Variants in LRRC3B observed in about 807,000 individuals in gnomAD.
LRRC3B encodes the protein leucine-rich repeat-containing protein 3B.
LRRC3B carries 2 observed loss-of-function variants against 12.8 expected under a neutral mutation model. The observed-to-expected ratio is 0.16, with a 90% CI of 0.06 to 0.49. The LOEUF (loss-of-function observed/expected upper bound fraction) is 0.49. LRRC3B is among the 20% of genes least tolerant of loss of function. The probability of loss-of-function intolerance (pLI) is 0.96; values close to 1 mark genes in which losing one functional copy is unlikely to be tolerated. For missense variants in LRRC3B, 189 were observed against 319.4 expected (o/e 0.59, Z 3.11); for synonymous variants, 132 against 122.0 (o/e 1.08, Z -0.54).
At chr3:26,665,999 A>G (rs1030482123) in intron 1 of LRRC3B, among the ~76,000 whole-genome samples, 1 of 152,232 alleles carries the variant, frequency 6.6e-6, no homozygotes, top group Non-Finnish European at 1.5e-5. Context: ...TCCTTTGACT[A>G]TATCCCATCT....
At chr3:26,685,885 T>C (rs1052567335) in intron 1 of LRRC3B, among the ~76,000 whole-genome samples, 8 of 152,022 alleles carry the variant, frequency 5.3e-5, no homozygotes. Context: ...CTTAGTCCAG[T>C]CTCTCAGTTA....
chr3:26,629,322 G>T (rs189342627), intron 1 of LRRC3B, among the ~76,000 whole-genome samples: 101 of 152,050 alleles, frequency 6.6e-4, no homozygotes, highest in East Asian at 6.4e-3. Context: ...GTAACTTACT[G>T]GGAGAGACTG....
chr3:26,629,682 A>T (rs1398806693), intron 1 of LRRC3B, among the ~76,000 whole-genome samples: 1 of 152,164 alleles, frequency 6.6e-6, no homozygotes, highest in Admixed American at 6.5e-5. Flanking sequence ...TAGGGTTTCA[A>T]AGTTTTTATT....
intron 1 of LRRC3B, among the ~76,000 whole-genome samples, chr3:26,652,338 C>A (rs1431144369): frequency 6.6e-6 from 1 of 152,224 alleles, no homozygotes; most frequent in Non-Finnish European, 1.5e-5. Context: ...CTCCCGTTCT[C>A]ACAGTCTCTG....
At chr3:26,700,930 A>T (rs909128657) in intron 1 of LRRC3B, among the ~76,000 whole-genome samples, 1 of 152,152 alleles carries the variant, frequency 6.6e-6, no homozygotes, top group African/African-American at 2.4e-5. Flanking sequence ...TGGTGAGGTG[A>T]TACATGTGTA....
At chr3:26,673,090 A>G (rs1240248890) in intron 1 of LRRC3B, among the ~76,000 whole-genome samples, 1 of 151,588 alleles carries the variant, frequency 6.6e-6, no homozygotes. Flanking sequence ...AAATCTTAGA[A>G]GTTACTCTTA....
intron 1 of LRRC3B, among the ~76,000 whole-genome samples, chr3:26,629,638 T>C (rs1698710461): frequency 6.6e-6 from 1 of 152,234 alleles, no homozygotes; most frequent in Admixed American, 6.5e-5. Context: ...TTAAGTGGAA[T>C]ACTTTTCACC....
chr3:26,693,202 G>C (rs1700229100), intron 1 of LRRC3B, among the ~76,000 whole-genome samples: 1 of 149,760 alleles, frequency 6.7e-6, no homozygotes, highest in East Asian at 1.9e-4. Context: ...GGTGGCGCGT[G>C]CCTGTAGTCC....
intron 1 of LRRC3B, among the ~76,000 whole-genome samples, chr3:26,677,787 CT>C (rs869232278): frequency 8.6e-6 from 1 of 115,644 alleles, no homozygotes; most frequent in Admixed American, 8.4e-5. Flanking sequence ...TCTGTTTTGC[CT>C]TTTGTTTGTT....
intron 1 of LRRC3B, among the ~76,000 whole-genome samples, chr3:26,702,160 G>A (rs1432207643): frequency 2.0e-5 from 3 of 152,130 alleles, no homozygotes; most frequent in Non-Finnish European, 4.4e-5. Flanking sequence ...CAGTAGAGAA[G>A]GTAAAGTGAT....
intron 1 of LRRC3B, among the ~76,000 whole-genome samples, chr3:26,706,168 C>T (rs937105384): frequency 6.6e-6 from 1 of 152,128 alleles, no homozygotes; most frequent in African/African-American, 2.4e-5. Context: ...TCTGGGGCCT[C>T]TTTTATAAGG....
At chr3:26,659,087 AAT>A (rs1699438107) in intron 1 of LRRC3B, among the ~76,000 whole-genome samples, 1 of 152,196 alleles carries the variant, frequency 6.6e-6, no homozygotes, top group African/African-American at 2.4e-5. Context: ...GGTGGAAGTA[AAT>A]ATGTATGTGT....
At position 26,669,526 on chromosome 3, in the gene LRRC3B, CATG is replaced by C. The variant is rs563958091; in HGVS notation, c.-160-39984_-160-39982del. 6.4e-4 allele frequency among the ~76,000 whole-genome samples: 97 copies of C among 152,210 alleles called. 1 individual carries two copies. The highest frequency in any genetic ancestry group is 2.3e-3 in the African/African-American group (95 of 41,532). ...GAGATGAATATTACCTTTTTAACCC[CATG>C]ATAACCCCAAGAATCATGTAGCTGA... On this transcript the variant is annotated intron_variant, in intron 1 of 1. Coordinates refer to ENST00000396641, the Ensembl canonical transcript of LRRC3B.
At chr3:26,673,668 C>T (rs1699798871) in intron 1 of LRRC3B, among the ~76,000 whole-genome samples, 1 of 152,162 alleles carries the variant, frequency 6.6e-6, no homozygotes, top group Non-Finnish European at 1.5e-5. Context: ...TGGCTTAGGT[C>T]TCTAAGCTGC....
chr3:26,650,939 G>A (rs909202594), intron 1 of LRRC3B, among the ~76,000 whole-genome samples: 42 of 152,156 alleles, frequency 2.8e-4, no homozygotes, highest in African/African-American at 9.7e-4. Context: ...GATGTGAAAC[G>A]TGGAGAGCAC....
intron 1 of LRRC3B, among the ~76,000 whole-genome samples, chr3:26,684,608 A>G (rs1361923207): frequency 6.6e-6 from 1 of 152,182 alleles, no homozygotes; most frequent in African/African-American, 2.4e-5. Flanking sequence ...GCACCACCAC[A>G]TGGCAGAAGG....
intron 1 of LRRC3B, among the ~76,000 whole-genome samples, chr3:26,695,186 TAATC>T (rs1006221342): frequency 1.3e-5 from 2 of 152,200 alleles, no homozygotes; most frequent in African/African-American, 4.8e-5. Context: ...CATATTTATT[TAATC>T]AATCTCTTTA....
intron 1 of LRRC3B, among the ~76,000 whole-genome samples, chr3:26,677,864 G>A (rs1226538129): frequency 6.6e-6 from 1 of 152,056 alleles, no homozygotes; most frequent in Non-Finnish European, 1.5e-5. Context: ...GCTGTGGTGC[G>A]ATCATGGCTC....
At chr3:26,636,544 C>T (rs1035296164) in intron 1 of LRRC3B, among the ~76,000 whole-genome samples, 3 of 151,828 alleles carry the variant, frequency 2.0e-5, no homozygotes, top group East Asian at 3.9e-4. Context: ...TAACAGTTGG[C>T]GTGCCAGTTG....
Sources: gnomAD v4.1 joint callset for allele counts (sites outside exome capture counted in the v4.1 genomes callset) on GRCh38, gnomAD v4.1.1 for gene constraint, MANE v1.5 for transcripts, NCBI Gene and HGNC (gene_info 2026-07-23, HGNC 2026-07-21) for gene names.